The following CRACR2A variants were observed in gnomAD, a reference collection of about 807,000 sequenced individuals.
CRACR2A encodes the protein calcium release activated channel regulator 2A, also known as EF-hand calcium-binding domain-containing protein 4B.
In CRACR2A, 79 loss-of-function variants were observed where a neutral mutation model predicts 90.5. The observed-to-expected ratio is 0.87, with a 90% CI of 0.73 to 1.05. The LOEUF (loss-of-function observed/expected upper bound fraction) is 1.05, where lower values mean the gene tolerates loss of function less well. Among genes scored for constraint, CRACR2A ranks in the 50% least tolerant of loss-of-function variants. CRACR2A has a pLI of 0.00. For missense variants in CRACR2A, 823 were observed against 897.2 expected (o/e 0.92, Z 1.06); for synonymous variants, 338 against 356.7 (o/e 0.95, Z 0.59).
At chr12:3,680,793 G>C (rs1450615922) in intron 4 of CRACR2A, among the ~76,000 whole-genome samples, 1 of 152,188 alleles carries the variant, frequency 6.6e-6, no homozygotes, top group Non-Finnish European at 1.5e-5. Flanking sequence ...ATCTGTAAAG[G>C]ACTCAAACTG....
rs557024050 is a variant in CRACR2A, at chr12:3,631,290, A to T, written c.1735+2314T>A. Among the ~76,000 whole-genome samples, 347 of 152,086 alleles carry T rather than the reference A, an allele frequency of 2.3e-3. 1 individual carries two copies. The highest frequency in any genetic ancestry group is 3.6e-3 in the Non-Finnish European group (244 of 67,976). ...CTCCTGGGAAGTGCAAATGAGTCTGATTTTCTATTTTTCAGAGCCTACCAT... is the reference window on the plus strand; with the variant it reads ...CTCCTGGGAAGTGCAAATGAGTCTGTTTTTCTATTTTTCAGAGCCTACCAT... On this transcript the variant is annotated intron_variant, in intron 15 of 19. Coordinates refer to ENST00000440314, the MANE Select transcript of CRACR2A (RefSeq NM_001144958.2).
At chr12:3,627,798 C>T (rs754975801) in intron 15 of CRACR2A, 92 bp from the exon 16 acceptor site, 190 of 1,304,914 alleles carry the variant, frequency 1.5e-4, no homozygotes, top group Non-Finnish European at 2.0e-4. Context: ...TCTGAAATCA[C>T]ATCAGGCCCA....
intron 15 of CRACR2A, among the ~76,000 whole-genome samples, chr12:3,628,783 C>A (rs1314757167): frequency 6.6e-6 from 1 of 152,178 alleles, no homozygotes; most frequent in South Asian, 2.1e-4. Flanking sequence ...CTCAGGAAGA[C>A]AAACAGCAAC....
chr12:3,696,646 C>T (rs1945744775), intron 4 of CRACR2A, 126 bp downstream of exon 4: 1 of 1,376,376 alleles, frequency 7.3e-7, no homozygotes, highest in East Asian at 2.4e-5. Flanking sequence ...CAGATCCTTC[C>T]TTCCAAGACA....
chr12:3,703,838 A>G (rs1945873190), intron 3 of CRACR2A, among the ~76,000 whole-genome samples: 1 of 152,240 alleles, frequency 6.6e-6, no homozygotes, highest in African/African-American at 2.4e-5. Context: ...CACCCTCATT[A>G]CTTATAAGAG....
chr12:3,628,935 A>G (rs1944329378), intron 15 of CRACR2A, among the ~76,000 whole-genome samples: 1 of 152,174 alleles, frequency 6.6e-6, no homozygotes, highest in African/African-American at 2.4e-5. Flanking sequence ...AGGACCATCC[A>G]CTTCCAGAGT....
chr12:3,711,325 C>T lies in CRACR2A; in HGVS notation c.-37+1912G>A, dbSNP rs1016991646. Reference sequence around the variant, plus strand: ...AATTTCATCTTAAGTCATAGTCCTCCTCTCAAATTTTACTTTAAGCAGTCG... The same window carrying T: ...AATTTCATCTTAAGTCATAGTCCTCTTCTCAAATTTTACTTTAAGCAGTCG... On this transcript the variant is annotated intron_variant, in intron 3 of 19. Transcript: ENST00000440314. The surrounding 1 kb of genome is among the most constrained non-coding windows in gnomAD (Gnocchi z 4.3). 6.6e-6 allele frequency among the ~76,000 whole-genome samples: 1 copy of T among 152,160 alleles called. No individual in the cohort carries two copies. The highest frequency in any genetic ancestry group is 1.5e-5 in the Non-Finnish European group (1 of 68,014).
At chr12:3,749,132 G>A (rs1258681263) in intron 1 of CRACR2A, among the ~76,000 whole-genome samples, 4 of 152,226 alleles carry the variant, frequency 2.6e-5, no homozygotes, top group Non-Finnish European at 2.9e-5. Flanking sequence ...CATGATGGCA[G>A]TGCCTAGCCA....
intron 1 of CRACR2A, among the ~76,000 whole-genome samples, chr12:3,734,467 A>G (rs375695618): frequency 7.8e-4 from 118 of 152,216 alleles, no homozygotes; most frequent in African/African-American, 2.7e-3. Flanking sequence ...TGATCCAACA[A>G]TCCCACTTCT....
At chr12:3,663,794 A>G (rs77298863) in intron 7 of CRACR2A, among the ~76,000 whole-genome samples, 2,278 of 152,306 alleles carry the variant, frequency 0.015, 21 homozygotes, top group East Asian at 0.055. Context: ...TGGCAGCCAC[A>G]TTACAGTTGA....
intron 4 of CRACR2A, among the ~76,000 whole-genome samples, chr12:3,694,176 C>G (rs1945699172): frequency 6.6e-6 from 1 of 152,210 alleles, no homozygotes; most frequent in South Asian, 2.1e-4. Context: ...AGGAGTGCAC[C>G]AGTCATCTTG....
chr12:3,658,197 C>G (rs760329773), intron 8 of CRACR2A, among the ~76,000 whole-genome samples: 1 of 152,084 alleles, frequency 6.6e-6, no homozygotes, highest in African/African-American at 2.4e-5. Flanking sequence ...TTTTTTTCCT[C>G]TGACCTCTGC....
chr12:3,685,078 G>A lies in CRACR2A; in HGVS notation c.229-4729C>T, dbSNP rs1220141934. The stretch of plus-strand genomic sequence containing the variant: ...TCATTCCCTCCGGACCTCAGCATGG[G>A]CTGGAACCTATCCCCAAGCATGACA... On this transcript the variant is annotated intron_variant, in intron 4 of 19. Coordinates refer to ENST00000440314, the MANE Select transcript of CRACR2A (RefSeq NM_001144958.2). 2.0e-5 allele frequency among the ~76,000 whole-genome samples: 3 copies of A among 152,218 alleles called. No homozygotes were observed. In the East Asian group the frequency reaches 5.8e-4, roughly 29 times the overall value.
chr12:3,687,187 CTTT>C (rs79317818), intron 4 of CRACR2A, among the ~76,000 whole-genome samples: 5 of 137,602 alleles, frequency 3.6e-5, no homozygotes, highest in African/African-American at 5.3e-5. Context: ...ATCCCATTTT[CTTT>C]TTTTTTTTTT....
chr12:3,722,458 T>G (rs1244546718), intron 2 of CRACR2A, among the ~76,000 whole-genome samples: 1 of 151,982 alleles, frequency 6.6e-6, no homozygotes, highest in Non-Finnish European at 1.5e-5. Context: ...CAGAAAGAAG[T>G]AAGGAGACTA....
intron 19 of CRACR2A, among the ~76,000 whole-genome samples, chr12:3,616,416 G>A (rs1386741739): frequency 6.6e-6 from 1 of 152,214 alleles, no homozygotes; most frequent in Non-Finnish European, 1.5e-5. Context: ...AATTTTTGGT[G>A]TAGGCAGGGC....
Position 3,696,755 on chromosome 12 carries a change from C to G in CRACR2A, c.228+17G>C, listed in dbSNP as rs761482747. 6.2e-7 allele frequency: 1 copy of G among 1,614,078 alleles called. No individual in the cohort carries two copies. Among genetic ancestry groups the G allele is most frequent in the Non-Finnish European group, 8.5e-7 (1 of 1,180,014 alleles). ...CTGGCATTCTCAGTGGGCAGGCCTACCTGGGACCCCACTTACCTGCATATC... is the reference window on the plus strand; with the variant it reads ...CTGGCATTCTCAGTGGGCAGGCCTAGCTGGGACCCCACTTACCTGCATATC... On this transcript the variant is annotated intron_variant, in intron 4 of 19. Coordinates refer to ENST00000440314, the MANE Select transcript of CRACR2A (RefSeq NM_001144958.2).
At chr12:3,717,569 A>G (rs1356956349) in intron 2 of CRACR2A, among the ~76,000 whole-genome samples, 1 of 152,202 alleles carries the variant, frequency 6.6e-6, no homozygotes, top group Non-Finnish European at 1.5e-5. Flanking sequence ...TAACAACAGC[A>G]ATAACCATAA....
Position 3,638,159 on chromosome 12 carries a change from G to A in CRACR2A, c.1567C>T (p.Arg523Ter), listed in dbSNP as rs532461381. 1.8e-4 allele frequency: 283 copies of A among 1,549,252 alleles called. 2 individuals are homozygous for A. The highest frequency in any genetic ancestry group is 1.3e-3 in the East Asian group (53 of 40,850). ...PPLKLTPTSP[R>*]GQPVGKEALC... ...GCTTCTTTTCCAACAGGCTGCCCTC[G>A]GGGGGATGTGGGGGTGAGTTTCAAG... The change falls in exon 14 of 20, where the codon CGA becomes TGA. Residue 523 changes from arginine to a stop codon, truncating the protein, a stop_gained. Transcript: ENST00000440314. LOFTEE classifies it high-confidence loss of function.
Sources: gnomAD v4.1 joint callset for allele counts (sites outside exome capture counted in the v4.1 genomes callset) on GRCh38, gnomAD v4.1.1 for gene constraint, Gnocchi (gnomAD v3.1) non-coding constraint, MANE v1.5 for transcripts, NCBI Gene and HGNC (gene_info 2026-07-23, HGNC 2026-07-21) for gene names.